Variants in GLS observed in about 807,000 individuals in gnomAD.
GLS encodes the protein glutaminase, also known as glutaminase kidney isoform, mitochondrial.
GLS carries 36 observed loss-of-function variants against 86.7 expected under a neutral mutation model. The ratio of observed to expected loss-of-function variants is 0.42; its 90% CI spans 0.32 to 0.55. GLS has a LOEUF of 0.55. Among genes scored for constraint, GLS ranks in the 20% least tolerant of loss-of-function variants. The pLI is 0.17. For synonymous variants in GLS, 317 were observed against 305.9 expected (o/e 1.04, Z -0.38); for missense variants, 528 against 833.4 (o/e 0.63, Z 4.51).
intron 5 of GLS, 106 bp downstream of exon 5, chr2:190,902,132 A>G (rs1041491850): frequency 1.5e-6 from 1 of 660,230 alleles, no homozygotes; most frequent in Non-Finnish European, 2.8e-6. Flanking sequence ...ATTAGTCCTA[A>G]CAGGATATAA....
intron 7 of GLS, among the ~76,000 whole-genome samples, chr2:190,917,104 A>G (rs1346909615): frequency 3.9e-5 from 6 of 152,210 alleles, no homozygotes; most frequent in Admixed American, 3.3e-4. Flanking sequence ...GTAGCATGCA[A>G]TGCTGTTTGA....
chr2:190,897,893 A>G lies in GLS; in HGVS notation c.605+2168A>G, dbSNP rs952507662. On this transcript the variant is annotated intron_variant, in intron 3 of 17. Coordinates refer to ENST00000320717, the MANE Select transcript of GLS (RefSeq NM_014905.5). This position sits in a 1 kb window ranked among gnomAD's most constrained non-coding sequence, Gnocchi z 4.3. ...ACTTTTTCGGTAATCTGAGAAAACT[A>G]TTATGTGTGACTTTTTTTAACTTGG... 6.6e-6 allele frequency among the ~76,000 whole-genome samples: 1 copy of G among 152,200 alleles called. No individual in the cohort carries two copies. Among genetic ancestry groups the G allele is most frequent in the Non-Finnish European group, 1.5e-5 (1 of 68,024 alleles).
At position 190,895,303 on chromosome 2, in the gene GLS, A is replaced by T. The variant is rs1276455082; in HGVS notation, c.483+55A>T. The stretch of plus-strand genomic sequence containing the variant: ...TAAAAAAATCAATAATAATAAATAT[A>T]TACAGTATTATTGAAATATAGTCTT... On this transcript the variant is annotated intron_variant, in intron 2 of 17. Transcript: ENST00000320717. The surrounding 1 kb of genome is among the most constrained non-coding windows in gnomAD (Gnocchi z 4.2). 3 of 705,260 alleles carry T rather than the reference A, an allele frequency of 4.3e-6. No individual in the cohort carries two copies. Among genetic ancestry groups the T allele is most frequent in the East Asian group, 2.8e-5 (1 of 36,224 alleles). The allele number at this position is 705,260 out of a possible 1,614,324, so 43.7% of individuals were successfully genotyped here.
Position 190,905,148 on chromosome 2 carries a change from A to G in GLS, c.960A>G (p.Lys320=). The G allele has an allele frequency of 1.3e-6, 2 of 1,594,352 alleles. No homozygotes were observed. The highest frequency in any genetic ancestry group is 1.7e-5 in the Admixed American group (1 of 57,724). ...GKEPSGLRFN[K]LFLNEDDKPH... is the part of the protein sequence containing the mutation. ...AGCCGAGTGGACTAAGATTCAACAA[A>G]CTATTTTTGAATGAAGATGGTAAGA... The change falls in exon 6 of 18, where the codon AAA becomes AAG. Residue 320 remains lysine, a synonymous_variant. Coordinates refer to ENST00000320717, the MANE Select transcript of GLS (RefSeq NM_014905.5). The surrounding 1 kb of genome is among the most constrained non-coding windows in gnomAD (Gnocchi z 4.6).
intron 1 of GLS, among the ~76,000 whole-genome samples, chr2:190,882,340 G>A (rs1476356569): frequency 1.3e-5 from 2 of 152,184 alleles, no homozygotes; most frequent in African/African-American, 4.8e-5. Flanking sequence ...CAGTAGTTTA[G>A]TCTTAAAGCA....
intron 14 of GLS, among the ~76,000 whole-genome samples, chr2:190,939,061 T>C (rs935676323): frequency 4.0e-5 from 6 of 151,674 alleles, no homozygotes; most frequent in African/African-American, 1.4e-4. Context: ...TCTAAACAAA[T>C]GGTTTCTTAA....
At chr2:190,916,274 G>A (rs1463568568) in intron 7 of GLS, among the ~76,000 whole-genome samples, 2 of 151,810 alleles carry the variant, frequency 1.3e-5, no homozygotes, top group Non-Finnish European at 2.9e-5. Context: ...CAAAATACAC[G>A]AGTATGACCA....
rs749540640 is a variant in GLS, at chr2:190,881,319, A to G, written c.235A>G (p.Ile79Val). ...ARGLSSSPSE[I>V]LQELGKGSTH... The stretch of plus-strand genomic sequence containing the variant: ...GGGCCTGTCCAGCTCTCCTTCGGAG[A>G]TCTTGCAGGAGCTGGGCAAGGGGAG... The change falls in exon 1 of 18, where the codon ATC (isoleucine) becomes GTC (valine). Residue 79 changes from isoleucine (I) to valine (V), a missense_variant. Ile to Val is a conservative substitution (Grantham distance 29). Transcript: ENST00000320717. 33 of 1,515,504 alleles carry G rather than the reference A, an allele frequency of 2.2e-5. No individual in the cohort carries two copies. Among genetic ancestry groups the G allele is most frequent in the Non-Finnish European group, 2.6e-5 (30 of 1,132,164 alleles). 93.9% of individuals were successfully genotyped at this position (1,515,504 alleles called of 1,614,324 possible).
intron 17 of GLS, among the ~76,000 whole-genome samples, chr2:190,958,868 T>C (rs1295478373): frequency 2.0e-5 from 3 of 152,192 alleles, no homozygotes; most frequent in Non-Finnish European, 4.4e-5. Flanking sequence ...ATAAGTGCGA[T>C]GTGGTGCTGA....
chr2:190,927,593 A>T (rs1302727150), intron 12 of GLS, 111 bp downstream of exon 12: 1 of 712,936 alleles, frequency 1.4e-6, no homozygotes, highest in Admixed American at 3.0e-5. Flanking sequence ...TTTTTGAGAG[A>T]GAGGCTTGTT....
rs1251579131 is a variant in GLS, at chr2:190,964,379, A to C, written c.*1393A>C. On this transcript the variant is annotated 3_prime_UTR_variant, in exon 18 of 18. Transcript: ENST00000320717. The surrounding 1 kb of genome is among the most constrained non-coding windows in gnomAD (Gnocchi z 5.2). ...ACTTCTCTGAAGCTGTGTTTAGTGA[A>C]ATGAGCTCAAGTACATGAATGTTAG... 1 of 151,892 alleles carries C rather than the reference A, an allele frequency of 6.6e-6. No individual in the cohort carries two copies. The highest frequency in any genetic ancestry group is 2.4e-5 in the African/African-American group (1 of 41,358). 9.4% of individuals were successfully genotyped at this position (151,892 alleles called of 1,614,324 possible). A position where few individuals can be genotyped will look rare whatever the true frequency, so the allele number is the denominator to read the frequency against.
In GLS at chr2:190,951,704, GA is replaced by G. The variant is rs34466013; in HGVS notation, c.1651-1852del. 6.6e-6 allele frequency among the ~76,000 whole-genome samples: 1 copy of G among 150,980 alleles called. No homozygotes were observed. ...AAGAAAGTATGGCGGGAACCAACAA[GA>G]AAAAAAAATTGTCAAGCAGTAATGA... On this transcript the variant is annotated intron_variant, in intron 14 of 17. Coordinates refer to ENST00000320717, the MANE Select transcript of GLS (RefSeq NM_014905.5). This position sits in a 1 kb window ranked among gnomAD's most constrained non-coding sequence, Gnocchi z 4.2.
Position 190,914,091 on chromosome 2 carries a change from A to G in GLS, c.1038+3770A>G, listed in dbSNP as rs1361883706. Among the ~76,000 whole-genome samples, 1 of 152,230 alleles carries G rather than the reference A, an allele frequency of 6.6e-6. No homozygotes were observed. Among genetic ancestry groups the G allele is most frequent in the Admixed American group, 6.5e-5 (1 of 15,272 alleles). On this transcript the variant is annotated intron_variant, in intron 7 of 17. Transcript: ENST00000320717. This position sits in a 1 kb window ranked among gnomAD's most constrained non-coding sequence, Gnocchi z 4.4. ...ACAGGCATTAGCCACTCTACTTGGC[A>G]TGCCTCATTCTAGTGGTAGTTTCCA...
chr2:190,922,110 A>G (rs1689755538), intron 9 of GLS, among the ~76,000 whole-genome samples: 1 of 152,122 alleles, frequency 6.6e-6, no homozygotes, highest in East Asian at 1.9e-4. Flanking sequence ...CTTGTGTACC[A>G]TACGGTCTGT....
chr2:190,953,449 T>C lies in GLS; in HGVS notation c.1651-116T>C, dbSNP rs1435867505. The C allele has an allele frequency of 1.4e-6, 1 of 712,138 alleles. No individual in the cohort carries two copies. Among genetic ancestry groups the C allele is most frequent in the African/African-American group, 1.7e-5 (1 of 57,546 alleles). 44.1% of individuals were successfully genotyped at this position (712,138 alleles called of 1,614,324 possible). A position where few individuals can be genotyped will look rare whatever the true frequency, so the allele number is the denominator to read the frequency against. ...ATGGAAGTGTCCTTGAGATCACTTT[T>C]TGCACGTGACTCAGCTGAAGTGTTC... On this transcript the variant is annotated intron_variant, in intron 14 of 17. Transcript: ENST00000320717. This position sits in a 1 kb window ranked among gnomAD's most constrained non-coding sequence, Gnocchi z 4.0.
Position 190,913,112 on chromosome 2 carries a change from C to T in GLS, c.1038+2791C>T. 1.6e-6 allele frequency: 2 copies of T among 1,218,010 alleles called. No individual in the cohort carries two copies. Among genetic ancestry groups the T allele is most frequent in the Non-Finnish European group, 1.1e-6 (1 of 913,022 alleles). 75.5% of individuals were successfully genotyped at this position (1,218,010 alleles called of 1,614,324 possible). A position where few individuals can be genotyped will look rare whatever the true frequency, so the allele number is the denominator to read the frequency against. ...TAAAATCATTTTCTTCATGTTAATC[C>T]CCCCACCCCAAAATTAAGTAGAGTC... On this transcript the variant is annotated intron_variant, in intron 7 of 17. Coordinates refer to ENST00000320717, the MANE Select transcript of GLS (RefSeq NM_014905.5). This position sits in a 1 kb window ranked among gnomAD's most constrained non-coding sequence, Gnocchi z 6.1.
chr2:190,910,160 T>C (rs1689307383), intron 6 of GLS, 103 bp from the exon 7 acceptor site: 1 of 670,776 alleles, frequency 1.5e-6, no homozygotes, highest in Non-Finnish European at 2.5e-6. Context: ...AAAAGCAAAA[T>C]TGAGTACGTT....
chr2:190,898,654 G>A (rs1488905417), intron 3 of GLS, among the ~76,000 whole-genome samples: 1 of 151,740 alleles, frequency 6.6e-6, no homozygotes, highest in South Asian at 2.1e-4. Context: ...TTTTTGAGAT[G>A]GAGTTTTGCT....
intron 14 of GLS, among the ~76,000 whole-genome samples, chr2:190,950,398 C>A (rs2124944301): frequency 6.6e-6 from 1 of 152,164 alleles, no homozygotes; most frequent in Non-Finnish European, 1.5e-5. Context: ...TCAGATGAGG[C>A]CTAAGGCAAT....
Sources: gnomAD v4.1 joint callset for allele counts (sites outside exome capture counted in the v4.1 genomes callset) on GRCh38, gnomAD v4.1.1 for gene constraint, Gnocchi (gnomAD v3.1) non-coding constraint, MANE v1.5 for transcripts, NCBI Gene and HGNC (gene_info 2026-07-23, HGNC 2026-07-21) for gene names.